The following CTNNA3 variants were observed in gnomAD, a reference collection of about 807,000 sequenced individuals.
CTNNA3 encodes catenin alpha-3.
In CTNNA3, 76 loss-of-function variants were observed where a neutral mutation model predicts 95.7. That is an observed-to-expected ratio of 0.79 (90% confidence interval 0.66 to 0.96). The LOEUF is 0.96. CTNNA3 is among the 40% of genes least tolerant of loss of function. The pLI is 0.00. For missense variants in CTNNA3, 1,191 were observed against 1,089.8 expected, an observed-to-expected ratio of 1.09 and a Z score of -1.31; for synonymous variants, 431 against 374.4, an observed-to-expected ratio of 1.15 and a Z score of -1.74.
At chr10:66,687,750 CAT>C (rs1418905127) in intron 9 of CTNNA3, among the ~76,000 whole-genome samples, 2 of 151,012 alleles carry the variant, frequency 1.3e-5, no homozygotes, top group East Asian at 1.9e-4. Flanking sequence ...CACACACACA[CAT>C]ACCACTTAAG....
At chr10:66,282,434 T>A (rs1467361901) in intron 12 of CTNNA3, among the ~76,000 whole-genome samples, 1 of 151,826 alleles carries the variant, frequency 6.6e-6, no homozygotes, top group Non-Finnish European at 1.5e-5. Context: ...AAACCTAATT[T>A]TCCTTTACCA....
intron 7 of CTNNA3, among the ~76,000 whole-genome samples, chr10:66,832,656 GT>G (rs1237928610): frequency 6.6e-6 from 1 of 151,454 alleles, no homozygotes. Flanking sequence ...AGAAGAAAAG[GT>G]TTTTTTATGA....
At chr10:66,437,885 T>C (rs978675366) in intron 11 of CTNNA3, among the ~76,000 whole-genome samples, 6 of 152,114 alleles carry the variant, frequency 3.9e-5, no homozygotes, top group African/African-American at 1.4e-4. Context: ...GGTTTTTGCG[T>C]GGGTGTCCTT....
intron 9 of CTNNA3, among the ~76,000 whole-genome samples, chr10:66,633,489 G>A (rs554243988): frequency 1.3e-4 from 20 of 152,146 alleles, no homozygotes; most frequent in East Asian, 9.7e-4. Flanking sequence ...GACCATCCTG[G>A]CTAACATGGT....
intron 13 of CTNNA3, among the ~76,000 whole-genome samples, chr10:66,180,887 G>T (rs778633829): frequency 3.3e-5 from 5 of 151,834 alleles, no homozygotes; most frequent in Non-Finnish European, 7.4e-5. Flanking sequence ...ATTTACTTCC[G>T]GCCTAAATTC....
chr10:66,591,124 A>G (rs1317928225), intron 10 of CTNNA3, among the ~76,000 whole-genome samples: 1 of 152,188 alleles, frequency 6.6e-6, no homozygotes, highest in Non-Finnish European at 1.5e-5. Context: ...CATCATCTGT[A>G]TCATTTTAAG....
At chr10:67,234,575 T>C (rs1289137955) in intron 5 of CTNNA3, among the ~76,000 whole-genome samples, 6 of 151,946 alleles carry the variant, frequency 3.9e-5, no homozygotes, top group Non-Finnish European at 4.4e-5. Flanking sequence ...GGGCAAAAAC[T>C]GGAAGCATTC....
chr10:66,939,821 A>AT (rs538789837), intron 7 of CTNNA3, among the ~76,000 whole-genome samples: 6 of 151,994 alleles, frequency 3.9e-5, no homozygotes, highest in African/African-American at 9.6e-5. Context: ...CTTGCAGTCC[A>AT]TTTTTTTTAC....
intron 12 of CTNNA3, among the ~76,000 whole-genome samples, chr10:66,288,858 G>T (rs1378770021): frequency 6.6e-6 from 1 of 151,920 alleles, no homozygotes; most frequent in African/African-American, 2.4e-5. Context: ...ACCTCAAAAT[G>T]CCCTGGGCTA....
chr10:66,384,526 G>C (rs1030002337), intron 11 of CTNNA3, among the ~76,000 whole-genome samples: 1 of 152,114 alleles, frequency 6.6e-6, no homozygotes, highest in Admixed American at 6.6e-5. Flanking sequence ...ATATTACACA[G>C]ATCAATGAGA....
chr10:67,570,973 A>G (rs1477308015), intron 3 of CTNNA3, among the ~76,000 whole-genome samples: 2 of 152,200 alleles, frequency 1.3e-5, no homozygotes, highest in Non-Finnish European at 2.9e-5. Context: ...AGATCCTTCA[A>G]TGGCAAGATA....
intron 3 of CTNNA3, among the ~76,000 whole-genome samples, chr10:67,562,098 C>T (rs1841535469): frequency 6.6e-6 from 1 of 152,140 alleles, no homozygotes; most frequent in South Asian, 2.1e-4. Flanking sequence ...GAAACTATTC[C>T]AATCAATAGA....
intron 10 of CTNNA3, among the ~76,000 whole-genome samples, chr10:66,579,773 A>T (rs1278355448): frequency 5.3e-5 from 8 of 151,396 alleles, no homozygotes; most frequent in Non-Finnish European, 1.2e-4. Context: ...AGTTGACAAA[A>T]TTTTTTCTTT....
At chr10:67,731,507 A>C (rs1170023255) in intron 1 of CTNNA3, among the ~76,000 whole-genome samples, 1 of 150,282 alleles carries the variant, frequency 6.7e-6, no homozygotes, top group Non-Finnish European at 1.5e-5. Context: ...AAGTCTTAAG[A>C]TATTTTGCTT....
At chr10:66,535,706 TG>T (rs1215414781) in intron 10 of CTNNA3, among the ~76,000 whole-genome samples, 1 of 152,064 alleles carries the variant, frequency 6.6e-6, no homozygotes, top group Non-Finnish European at 1.5e-5. Context: ...TTTTCAACCC[TG>T]TGGTGAGGGA....
chr10:65,988,827 G>T, intron 15 of CTNNA3, 30 bp from the exon 16 acceptor site: 1 of 1,510,726 alleles, frequency 6.6e-7, no homozygotes, highest in Non-Finnish European at 9.2e-7. Flanking sequence ...TGTTAGCTGT[G>T]GTGTTCATGA....
intron 7 of CTNNA3, among the ~76,000 whole-genome samples, chr10:66,976,550 A>G (rs1850042816): frequency 6.6e-6 from 1 of 152,204 alleles, no homozygotes; most frequent in Non-Finnish European, 1.5e-5. Context: ...CTGTAATGAC[A>G]TCATCTCTTC....
intron 7 of CTNNA3, among the ~76,000 whole-genome samples, chr10:66,884,215 G>A (rs1360633888): frequency 6.6e-6 from 1 of 152,016 alleles, no homozygotes; most frequent in Non-Finnish European, 1.5e-5. Flanking sequence ...CCAACACTAA[G>A]GATCAAATTT....
At chr10:67,597,735 C>T (rs1260197579) in intron 3 of CTNNA3, among the ~76,000 whole-genome samples, 2 of 152,164 alleles carry the variant, frequency 1.3e-5, no homozygotes, top group Non-Finnish European at 2.9e-5. Flanking sequence ...TGTGCACCTG[C>T]AGCAACAGGG....
Sources: allele counts gnomAD v4.1 joint callset (sites outside exome capture counted in the v4.1 genomes callset), GRCh38; gene constraint gnomAD v4.1.1; transcripts MANE v1.5; gene names NCBI Gene and HGNC (gene_info 2026-07-23, HGNC 2026-07-21).